ATAD3C: variants seen among roughly 807,000 people sequenced by gnomAD.
The protein encoded by ATAD3C is ATPase family AAA domain-containing protein 3C.
In ATAD3C, 38 loss-of-function variants were observed where a neutral mutation model predicts 46.3. The ratio of observed to expected loss-of-function variants is 0.82; its 90% CI spans 0.63 to 1.08. ATAD3C has a LOEUF of 1.08. Among genes scored for constraint, ATAD3C ranks in the 50% least tolerant of loss-of-function variants. ATAD3C has a pLI of 0.00. For missense variants in ATAD3C, 563 were observed against 572.7 expected (o/e 0.98, Z 0.17); for synonymous variants, 220 against 236.4 (o/e 0.93, Z 0.63).
At chr1:1,467,315 G>T (rs1392036217) in intron 11 of ATAD3C, among the ~76,000 whole-genome samples, 5 of 152,034 alleles carry the variant, frequency 3.3e-5, no homozygotes, top group Non-Finnish European at 7.4e-5. Context: ...GCCCTCTCTT[G>T]GGTGGGCTCA....
Position 1,462,739 on chromosome 1 carries a change from T to A in ATAD3C, c.1089+31T>A. The stretch of plus-strand genomic sequence containing the variant: ...TCAGGCTCGGGTGCACCCACCCAGA[T>A]GGAAGCCCAGCTGCTGTGCAGATGC... On this transcript the variant is annotated intron_variant, in intron 11 of 11. Transcript: ENST00000378785. This position sits in a 1 kb window ranked among gnomAD's most constrained non-coding sequence, Gnocchi z 4.5. 6.4e-7 allele frequency: 1 copy of A among 1,574,146 alleles called. No homozygotes were observed. The highest frequency in any genetic ancestry group is 1.7e-4 in the Middle Eastern group (1 of 6,006).
chr1:1,455,795 GC>G lies in ATAD3C; in HGVS notation c.445del (p.Leu149TrpfsTer10), dbSNP rs1224656751. ...AGCCCCTGTCTTCCTCGGCAGCCCA[GC>G]CTGGAAGCACGGGTGCGCGACATCG... Reference protein sequence around the residue: ...DVLEGVVLSPSLEARVRDIAI... With the variant: ...DVLEGVVLSPXLEARVRDIAI... On this transcript the variant is annotated frameshift_variant, in exon 6 of 12. Coordinates refer to ENST00000378785, the MANE Select transcript of ATAD3C (RefSeq NM_001039211.3). LOFTEE classifies it high-confidence loss of function. The G allele has an allele frequency of 6.2e-7, 1 of 1,613,210 alleles. No individual in the cohort carries two copies. The highest frequency in any genetic ancestry group is 8.5e-7 in the Non-Finnish European group (1 of 1,179,678).
In ATAD3C at chr1:1,457,173, G is replaced by C. The variant is rs777938297; in HGVS notation, c.734G>C (p.Arg245Pro). Residue 245 changes from arginine (R) to proline (P), a missense_variant, in exon 8 of 12, where the codon CGA (arginine) becomes CCA (proline). This residue lies in a region of ATAD3C where 273 missense variants were observed against 253.5 expected (regional missense o/e 1.08). Coordinates refer to ENST00000378785, the MANE Select transcript of ATAD3C (RefSeq NM_001039211.3). ...VDEADAFLRK[R>P]ATEKISEDLR... ...GAAGCGGACGCCTTCCTTCGGAAGC[G>C]AGCCACTGTGAGTGTCACTAAGCCT... 10 of 1,613,486 alleles carry C rather than the reference G, an allele frequency of 6.2e-6. No homozygotes were observed. Among genetic ancestry groups the C allele is most frequent in the South Asian group, 4.4e-5 (4 of 91,000 alleles).
At position 1,468,378 on chromosome 1, in the gene ATAD3C, C is replaced by A. The variant is rs1439647888; in HGVS notation, c.1090-6C>A. ...GGCCTCCCTCAGCTCCCTCTCTCCC[C>A]ACTAGGCCACGGCGTATGCCTCCAA... is the stretch of plus-strand genomic sequence containing the variant. On this transcript the variant is annotated splice_region_variant and splice_polypyrimidine_tract_variant and intron_variant, in intron 11 of 11. Transcript: ENST00000378785. 2.5e-6 allele frequency: 4 copies of A among 1,607,260 alleles called. 1 individual carries two copies.
chr1:1,454,654 C>T (rs911660686), intron 4 of ATAD3C, among the ~76,000 whole-genome samples, 154 bp downstream of exon 4: 1 of 150,696 alleles, frequency 6.6e-6, no homozygotes, highest in Non-Finnish European at 1.5e-5. Flanking sequence ...TCCTGTCTGG[C>T]GCTGTACCTT....
At chr1:1,461,023 A>T (rs926305618) in intron 10 of ATAD3C, 106 bp downstream of exon 10, 3 of 1,357,572 alleles carry the variant, frequency 2.2e-6, no homozygotes, top group Non-Finnish European at 2.9e-6. Context: ...CAGGATGGGC[A>T]CCACCTCCCT....
intron 10 of ATAD3C, among the ~76,000 whole-genome samples, 155 bp downstream of exon 10, chr1:1,461,072 G>T (rs1383032011): frequency 1.3e-5 from 2 of 151,968 alleles, no homozygotes; most frequent in African/African-American, 4.8e-5. Flanking sequence ...GGGCCCCAAG[G>T]GTCCCAGAGG....
At chr1:1,454,872 T>G (rs1213152096) in intron 4 of ATAD3C, among the ~76,000 whole-genome samples, 1 of 151,778 alleles carries the variant, frequency 6.6e-6, no homozygotes, top group Non-Finnish European at 1.5e-5. Flanking sequence ...GTGCCTGCTC[T>G]CCACACGGGG....
intron 3 of ATAD3C, 111 bp downstream of exon 3, chr1:1,452,545 C>G: frequency 6.4e-7 from 1 of 1,550,414 alleles, no homozygotes; most frequent in Non-Finnish European, 8.8e-7. Flanking sequence ...CTGGCGCTCT[C>G]CCAGCATGGA....
At position 1,459,009 on chromosome 1, in the gene ATAD3C, G is replaced by C. The variant is rs952757163; in HGVS notation, c.742-152G>C. ...ATCCAGGTTACATTCGTGAGTCACC[G>C]CCCCTGGCCCTGGTCAGGCTTTTGA... On this transcript the variant is annotated intron_variant, in intron 8 of 11. Coordinates refer to ENST00000378785, the MANE Select transcript of ATAD3C (RefSeq NM_001039211.3). The surrounding 1 kb of genome is among the most constrained non-coding windows in gnomAD (Gnocchi z 4.9). Among the ~76,000 whole-genome samples the C allele has an allele frequency of 2.0e-5, 3 of 151,896 alleles. No individual in the cohort carries two copies.
intron 5 of ATAD3C, 68 bp downstream of exon 5, chr1:1,455,587 C>G: frequency 6.2e-7 from 1 of 1,606,398 alleles, no homozygotes; most frequent in Non-Finnish European, 8.5e-7. Context: ...GGGCTGTGGC[C>G]CTTGCTGGCG....
chr1:1,455,520 G>T lies in ATAD3C; in HGVS notation c.438+1G>T. ...CGTGCTGGAGGGTGTTGTGCTTAGT[G>T]TAAGTCGGTGTGCCTGGGACCGGGG... On this transcript the variant is annotated splice_donor_variant, in intron 5 of 11. Coordinates refer to ENST00000378785, the MANE Select transcript of ATAD3C (RefSeq NM_001039211.3). LOFTEE classifies it high-confidence loss of function. 2.5e-6 allele frequency: 4 copies of T among 1,612,492 alleles called. No individual in the cohort carries two copies. Among genetic ancestry groups the T allele is most frequent in the Non-Finnish European group, 3.4e-6 (4 of 1,179,504 alleles).
chr1:1,453,092 C>T (rs1421240040), intron 3 of ATAD3C, among the ~76,000 whole-genome samples: 9 of 152,202 alleles, frequency 5.9e-5, no homozygotes, highest in East Asian at 3.9e-4. Context: ...GTGACTGCAG[C>T]GCCTGCCGGT....
At chr1:1,455,618 C>G in intron 5 of ATAD3C, 99 bp downstream of exon 5, 3 of 1,584,766 alleles carry the variant, frequency 1.9e-6, no homozygotes, top group Non-Finnish European at 2.6e-6. Flanking sequence ...CGCCCAGGAT[C>G]TTTTGGGTCC....
At chr1:1,467,667 C>A (rs1639166579) in intron 11 of ATAD3C, among the ~76,000 whole-genome samples, 1 of 152,110 alleles carries the variant, frequency 6.6e-6, no homozygotes, top group African/African-American at 2.4e-5. Context: ...CTGCCCTGTG[C>A]TTCCTCCAGG....
At chr1:1,464,204 CAAAA>C (rs1271158156) in intron 11 of ATAD3C, among the ~76,000 whole-genome samples, 5 of 81,786 alleles carry the variant, frequency 6.1e-5, no homozygotes, top group Admixed American at 1.4e-4. Flanking sequence ...GAGACTGTCT[CAAAA>C]AAAAAAAAAA....
Position 1,459,105 on chromosome 1 carries a change from T to C in ATAD3C, c.742-56T>C. 2 of 1,555,528 alleles carry C rather than the reference T, an allele frequency of 1.3e-6. No homozygotes were observed. The highest frequency in any genetic ancestry group is 2.4e-5 in the South Asian group (2 of 83,764). On this transcript the variant is annotated intron_variant, in intron 8 of 11. Transcript: ENST00000378785. The surrounding 1 kb of genome is among the most constrained non-coding windows in gnomAD (Gnocchi z 4.9). ...GGGAGGCCTGTGGGACTTTCTGCTG[T>C]GGCTGTTTACAAGGCTTTGCTCCTG... is the stretch of plus-strand genomic sequence containing the variant.
chr1:1,461,304 C>A (rs550668818), intron 10 of ATAD3C, among the ~76,000 whole-genome samples: 1 of 152,132 alleles, frequency 6.6e-6, no homozygotes, highest in East Asian at 1.9e-4. Context: ...TCTCCTGCAT[C>A]AGCCTCCTGA....
At position 1,450,573 on chromosome 1, in the gene ATAD3C, G is replaced by C. The variant is rs1310800868; in HGVS notation, c.-111G>C. 2 of 1,386,286 alleles carry C rather than the reference G, an allele frequency of 1.4e-6. No individual in the cohort carries two copies. Among genetic ancestry groups the C allele is most frequent in the Non-Finnish European group, 2.0e-6 (2 of 1,004,250 alleles). The allele number at this position is 1,386,286 out of a possible 1,614,324, so 85.9% of individuals were successfully genotyped here. Reference sequence around the variant, plus strand: ...GGGGAGGCAGGGCTGGGGGCTTTGAGGTCGAGGCGTGGCCGTGGATTCCAG... The same window carrying C: ...GGGGAGGCAGGGCTGGGGGCTTTGACGTCGAGGCGTGGCCGTGGATTCCAG... On this transcript the variant is annotated 5_prime_UTR_variant, in exon 1 of 12. Transcript: ENST00000378785.
Sources: allele counts gnomAD v4.1 joint callset (sites outside exome capture counted in the v4.1 genomes callset), GRCh38; gene constraint gnomAD v4.1.1; regional missense constraint gnomAD v4.1.1; non-coding constraint Gnocchi (gnomAD v3.1); transcripts MANE v1.5; gene names NCBI Gene and HGNC (gene_info 2026-07-23, HGNC 2026-07-21).